The following SYNRG variants were observed in gnomAD, a reference collection of about 807,000 sequenced individuals.
The protein encoded by SYNRG is AP1 gamma subunit binding protein 1.
A neutral mutation model predicts 130.9 loss-of-function variants in SYNRG; 37 were observed. The ratio of observed to expected loss-of-function variants is 0.28; its 90% CI spans 0.22 to 0.37. The LOEUF (loss-of-function observed/expected upper bound fraction) is 0.37. Ranked by LOEUF, SYNRG falls within the 10% of genes least tolerant of loss-of-function variation. The pLI is 1.00. For missense variants in SYNRG, 1,338 were observed against 1,588.9 expected (o/e 0.84, Z 2.68); for synonymous variants, 539 against 568.1 (o/e 0.95, Z 0.73).
At chr17:37,534,634 A>AT (rs531895497) in intron 19 of SYNRG, among the ~76,000 whole-genome samples, 28 of 149,054 alleles carry the variant, frequency 1.9e-4, no homozygotes, top group East Asian at 1.2e-3. Flanking sequence ...CCAGAACAGT[A>AT]TTTTTTTTTT....
intron 9 of SYNRG, 96 bp from the exon 10 acceptor site, chr17:37,570,981 G>C (rs892073964): frequency 5.5e-6 from 8 of 1,445,620 alleles, no homozygotes; most frequent in East Asian, 2.3e-5. Flanking sequence ...TGTAGCCTTT[G>C]CATGTTTCCA....
At chr17:37,520,834 G>C (rs1342510255) in intron 19 of SYNRG, among the ~76,000 whole-genome samples, 186 bp from the exon 20 acceptor site, 1 of 152,002 alleles carries the variant, frequency 6.6e-6, no homozygotes, top group South Asian at 2.1e-4. Context: ...AGGAAGGCCG[G>C]CACCAGTACA....
intron 1 of SYNRG, among the ~76,000 whole-genome samples, chr17:37,605,670 T>C (rs577892628): frequency 3.3e-5 from 5 of 152,246 alleles, no homozygotes; most frequent in African/African-American, 9.6e-5. Context: ...TGCTTAAAGA[T>C]TGGTTAGATA....
intron 19 of SYNRG, among the ~76,000 whole-genome samples, chr17:37,525,383 A>G (rs1440973415): frequency 6.6e-6 from 1 of 152,240 alleles, no homozygotes; most frequent in Admixed American, 6.5e-5. Context: ...AATGGTGTCC[A>G]GGAAGATCCT....
intron 19 of SYNRG, chr17:37,529,772 C>G: frequency 1.9e-6 from 3 of 1,550,858 alleles, no homozygotes; most frequent in South Asian, 2.4e-5. Context: ...TACGCCTGGT[C>G]TCTGTGATAC....
At chr17:37,556,031 C>T (rs908129389) in intron 13 of SYNRG, among the ~76,000 whole-genome samples, 1 of 152,170 alleles carries the variant, frequency 6.6e-6, no homozygotes, top group Non-Finnish European at 1.5e-5. Context: ...TTAATTTCCT[C>T]ACCCATTTTT....
At chr17:37,592,590 T>G (rs2062296561) in intron 3 of SYNRG, among the ~76,000 whole-genome samples, 1 of 152,214 alleles carries the variant, frequency 6.6e-6, no homozygotes. Context: ...ACTCATCGAT[T>G]ATAAAAAAAA....
At chr17:37,566,825 T>C (rs1318118650) in intron 11 of SYNRG, 5 of 152,174 alleles carry the variant, frequency 3.3e-5, no homozygotes, top group African/African-American at 1.2e-4. Flanking sequence ...ATAAATTAGG[T>C]TTATAACCCA....
At chr17:37,524,529 G>C (rs1221648854) in intron 19 of SYNRG, among the ~76,000 whole-genome samples, 1 of 152,264 alleles carries the variant, frequency 6.6e-6, no homozygotes, top group Non-Finnish European at 1.5e-5. Context: ...AAGGACTCTG[G>C]TGTAGGTGAT....
intron 14 of SYNRG, among the ~76,000 whole-genome samples, chr17:37,551,730 A>G (rs2058719361): frequency 6.6e-6 from 1 of 152,234 alleles, no homozygotes; most frequent in South Asian, 2.1e-4. Context: ...TAAAAATCCA[A>G]TATTGTTCAG....
intron 18 of SYNRG, chr17:37,536,994 G>A (rs2057252326): frequency 6.6e-6 from 1 of 152,234 alleles, no homozygotes; most frequent in Non-Finnish European, 1.5e-5. Context: ...CCAAGAGAGG[G>A]GCAGAAATTA....
At chr17:37,600,723 T>G in intron 1 of SYNRG, 1 of 452,042 alleles carries the variant, frequency 2.2e-6, no homozygotes, top group Non-Finnish European at 4.0e-6. Flanking sequence ...CAACATCTAT[T>G]GAGTGTCAAC....
At chr17:37,562,101 C>T (rs1415124331) in intron 11 of SYNRG, among the ~76,000 whole-genome samples, 2 of 152,154 alleles carry the variant, frequency 1.3e-5, no homozygotes, top group Non-Finnish European at 2.9e-5. Context: ...AAATGCTGTT[C>T]AAGCCAAAAT....
intron 10 of SYNRG, 131 bp from the exon 11 acceptor site, chr17:37,569,055 C>T: frequency 2.2e-6 from 2 of 910,116 alleles, no homozygotes; most frequent in Non-Finnish European, 3.3e-6. Flanking sequence ...GTGCTTACGG[C>T]AGGAATCCTG....
chr17:37,524,198 C>G (rs1444541611), intron 19 of SYNRG, among the ~76,000 whole-genome samples: 1 of 152,082 alleles, frequency 6.6e-6, no homozygotes, highest in African/African-American at 2.4e-5. Flanking sequence ...AAATTCCTGC[C>G]AAATTAACAG....
Position 37,518,444 on chromosome 17 carries a change from A to G in SYNRG, c.*496T>C, listed in dbSNP as rs1036564298. The G allele has an allele frequency of 6.5e-6, 1 of 153,538 alleles. No homozygotes were observed. Among genetic ancestry groups the G allele is most frequent in the Non-Finnish European group, 1.4e-5 (1 of 68,974 alleles). The allele number at this position is 153,538 out of a possible 1,614,324, so 9.5% of individuals were successfully genotyped here. ...GGGAGATGGGCAGAATCTTCTCCAT[A>G]AAAAGCAGAACATCAGTTTAATCGC... is the stretch of plus-strand genomic sequence containing the variant. On this transcript the variant is annotated 3_prime_UTR_variant, in exon 22 of 22. Coordinates refer to ENST00000612223, the MANE Select transcript of SYNRG (RefSeq NM_007247.6).
rs2054364630 is a variant in SYNRG at position 37,515,552 on chromosome 17, T to TG, written c.*3387dup. On this transcript the variant is annotated 3_prime_UTR_variant, in exon 22 of 22. Transcript: ENST00000612223. ...CGGCTCACTGCAACCTCCGCCTCTCTGGTTCAAGCAATTCTCCTGCCTCAG... is the reference window on the plus strand; with the variant it reads ...CGGCTCACTGCAACCTCCGCCTCTCTGGGTTCAAGCAATTCTCCTGCCTCAG... 1 of 152,272 alleles carries TG rather than the reference T, an allele frequency of 6.6e-6. No homozygotes were observed. Among genetic ancestry groups the TG allele is most frequent in the Non-Finnish European group, 1.5e-5 (1 of 68,096 alleles). The allele number at this position is 152,272 out of a possible 1,614,324, so 9.4% of individuals were successfully genotyped here.
chr17:37,601,208 C>T (rs1218419376), intron 1 of SYNRG, among the ~76,000 whole-genome samples: 2 of 152,084 alleles, frequency 1.3e-5, no homozygotes, highest in Admixed American at 1.3e-4. Flanking sequence ...GCTGGGATTA[C>T]AGGCACCCGC....
intron 13 of SYNRG, among the ~76,000 whole-genome samples, chr17:37,558,932 T>TCAAC (rs1290847498): frequency 1.3e-5 from 2 of 152,208 alleles, no homozygotes; most frequent in African/African-American, 4.8e-5. Flanking sequence ...AAATACGAGT[T>TCAAC]CGGTTGAGTC....
Sources: gnomAD v4.1 joint callset for allele counts (sites outside exome capture counted in the v4.1 genomes callset) on GRCh38, gnomAD v4.1.1 for gene constraint, MANE v1.5 for transcripts, NCBI Gene and HGNC (gene_info 2026-07-23, HGNC 2026-07-21) for gene names.